NBAS: variants seen among roughly 807,000 people sequenced by gnomAD.
NBAS encodes NAG/BC035112 fusion.
In NBAS, 219 loss-of-function variants were observed where a neutral mutation model predicts 302.5. That is an observed-to-expected ratio of 0.72 (90% CI 0.65 to 0.81). The LOEUF is 0.81. Ranked by LOEUF, NBAS falls within the 30% of genes least tolerant of loss-of-function variation. NBAS has a pLI of 0.00. For missense variants in NBAS, 2,932 were observed against 2,841.6 expected (o/e 1.03, Z -0.72); for synonymous variants, 1,118 against 1,021.6 (o/e 1.09, Z -1.80).
chr2:15,362,298 C>T (rs1226072815), intron 32 of NBAS, among the ~76,000 whole-genome samples: 2 of 146,782 alleles, frequency 1.4e-5, no homozygotes, highest in African/African-American at 2.5e-5. Flanking sequence ...GAAAACAGAG[C>T]GAGACCTCAT....
At chr2:14,809,418 G>A in the NBAS span, among the ~76,000 whole-genome samples, 1 of 152,208 alleles carries the variant, frequency 6.6e-6, no homozygotes, top group Non-Finnish European at 1.5e-5. Context: ...TGGCTAACAG[G>A]GGTCAAGGTA....
chr2:14,923,160 A>G, the NBAS span, among the ~76,000 whole-genome samples: 1 of 151,960 alleles, frequency 6.6e-6, no homozygotes, highest in African/African-American at 2.4e-5. Context: ...TCAAAAAAAC[A>G]AAAAAAAGTA....
intron 48 of NBAS, among the ~76,000 whole-genome samples, chr2:15,201,106 G>C (rs1336068645): frequency 6.6e-6 from 1 of 152,176 alleles, no homozygotes; most frequent in Non-Finnish European, 1.5e-5. Context: ...GTAACTCACA[G>C]AATAGTAATC....
the NBAS span, among the ~76,000 whole-genome samples, chr2:14,922,290 A>G: frequency 6.6e-6 from 1 of 152,234 alleles, no homozygotes; most frequent in African/African-American, 2.4e-5. Flanking sequence ...AAGAGCATTT[A>G]AGTTTTAATA....
At chr2:14,945,153 A>G in the NBAS span, among the ~76,000 whole-genome samples, 2 of 152,232 alleles carry the variant, frequency 1.3e-5, no homozygotes, top group Non-Finnish European at 2.9e-5. Context: ...CCAAGTTTCC[A>G]GCAGTGCAAG....
At chr2:15,420,736 T>C (rs1677170583) in intron 23 of NBAS, among the ~76,000 whole-genome samples, 1 of 152,112 alleles carries the variant, frequency 6.6e-6, no homozygotes, top group South Asian at 2.1e-4. Flanking sequence ...GCAAATGGAA[T>C]GGAGTTCTCA....
At chr2:15,328,087 T>C (rs1672157177) in intron 37 of NBAS, 112 bp downstream of exon 37, 2 of 1,223,258 alleles carry the variant, frequency 1.6e-6, no homozygotes, top group African/African-American at 1.5e-5. Flanking sequence ...ATGAATAACA[T>C]GAGTAAGAAC....
intron 2 of NBAS, among the ~76,000 whole-genome samples, chr2:15,557,900 A>G (rs900312739): frequency 1.3e-5 from 2 of 152,210 alleles, no homozygotes; most frequent in East Asian, 1.9e-4. Flanking sequence ...AAAATTTGTC[A>G]GGAGTTAAAT....
chr2:14,982,960 G>GA, the NBAS span, among the ~76,000 whole-genome samples: 2 of 152,082 alleles, frequency 1.3e-5, no homozygotes, highest in African/African-American at 4.8e-5. Context: ...ATTATCTGTG[G>GA]AAAGAGGAAC....
the NBAS span, among the ~76,000 whole-genome samples, chr2:14,854,156 C>T: frequency 2.7e-5 from 4 of 150,256 alleles, no homozygotes; most frequent in African/African-American, 9.8e-5. Flanking sequence ...ATACAAAAAC[C>T]AAAACCTATA....
chr2:14,975,404 C>T, the NBAS span, among the ~76,000 whole-genome samples: 548 of 152,310 alleles, frequency 3.6e-3, 2 homozygotes, highest in African/African-American at 0.012. Flanking sequence ...TTCAATTCAA[C>T]GAATTATTCC....
In NBAS at chr2:15,302,071, C is replaced by G. The variant is rs189041375; in HGVS notation, c.4797+6145G>C. On this transcript the variant is annotated intron_variant, in intron 40 of 51. Coordinates refer to ENST00000281513, the MANE Select transcript of NBAS (RefSeq NM_015909.4). ...TGATGTTCACGAGGCTGTCGCAGGA[C>G]GTTTAGGTGAAGAACTATGAAAGAC... Among the ~76,000 whole-genome samples the G allele has an allele frequency of 2.0e-5, 3 of 152,230 alleles. No homozygotes were observed. The South Asian group carries it at 6.2e-4, about 32-fold the overall frequency.
At chr2:15,063,509 C>T in the NBAS span, among the ~76,000 whole-genome samples, 1 of 152,028 alleles carries the variant, frequency 6.6e-6, no homozygotes, top group Non-Finnish European at 1.5e-5. Context: ...CAATATATAA[C>T]GTTTTATGGA....
At chr2:15,144,048 A>ATATATATATATATATTATCCT in the NBAS span, among the ~76,000 whole-genome samples, 18 of 113,800 alleles carry the variant, frequency 1.6e-4, 3 homozygotes, top group East Asian at 7.1e-4. Context: ...TATATATAAA[A>ATATATATATATATATTATCCT]ATATATATAT....
chr2:15,398,091 G>A (rs1675957169), intron 26 of NBAS, among the ~76,000 whole-genome samples: 1 of 143,878 alleles, frequency 7.0e-6, no homozygotes, highest in African/African-American at 2.7e-5. Context: ...TCAGTCAGCC[G>A]TGTGTGTGTG....
At chr2:14,890,811 A>G in the NBAS span, 1 of 164,206 alleles carries the variant, frequency 6.1e-6, no homozygotes, top group African/African-American at 2.4e-5. Context: ...GAACAAGAGC[A>G]AAACTCTGTC....
intron 11 of NBAS, among the ~76,000 whole-genome samples, chr2:15,503,830 T>C (rs1421145286): frequency 6.6e-6 from 1 of 152,154 alleles, no homozygotes; most frequent in Non-Finnish European, 1.5e-5. Flanking sequence ...TTTGTAAAGA[T>C]AAAATATGAA....
chr2:15,177,318 C>G (rs372091276), intron 51 of NBAS, among the ~76,000 whole-genome samples: 9 of 152,254 alleles, frequency 5.9e-5, no homozygotes, highest in African/African-American at 1.7e-4. Context: ...TGCAGTGTTA[C>G]CATTTAGTCA....
chr2:15,449,965 T>G (rs1427961226), intron 21 of NBAS, among the ~76,000 whole-genome samples: 1 of 152,168 alleles, frequency 6.6e-6, no homozygotes. Context: ...TTTTCAATCT[T>G]AAAGGGAAAA....
Sources: allele counts gnomAD v4.1 joint callset (sites outside exome capture counted in the v4.1 genomes callset), GRCh38; gene constraint gnomAD v4.1.1; transcripts MANE v1.5; gene names NCBI Gene and HGNC (gene_info 2026-07-23, HGNC 2026-07-21).